Variants in RIMBP2 observed in about 807,000 individuals in gnomAD.
RIMBP2 encodes RIMS binding protein 2, also known as RIMS-binding protein 2.
In RIMBP2, 48 loss-of-function variants were observed where a neutral mutation model predicts 118.6. That is an observed-to-expected ratio of 0.40 (90% CI 0.32 to 0.51). The LOEUF is 0.51. Among genes scored for constraint, RIMBP2 ranks in the 20% least tolerant of loss-of-function variants. The probability of loss-of-function intolerance (pLI) is 0.41; values close to 1 mark genes in which losing one functional copy is unlikely to be tolerated. For synonymous variants in RIMBP2, 762 were observed against 742.9 expected (o/e 1.03, Z -0.42); for missense variants, 1,551 against 1,768.3 (o/e 0.88, Z 2.20).
intron 11 of RIMBP2, among the ~76,000 whole-genome samples, chr12:130,441,033 C>T (rs529243707): frequency 4.6e-5 from 7 of 152,204 alleles, no homozygotes; most frequent in African/African-American, 1.4e-4. Context: ...CCTGTTTGAG[C>T]GGAGATAGCA....
chr12:130,498,429 T>TA (rs2049401501), intron 4 of RIMBP2, among the ~76,000 whole-genome samples: 1 of 152,186 alleles, frequency 6.6e-6, no homozygotes, highest in Non-Finnish European at 1.5e-5. Context: ...TTGAGGATGT[T>TA]ACATTTTGGT....
intron 2 of RIMBP2, among the ~76,000 whole-genome samples, chr12:130,555,492 C>G (rs1272929414): frequency 6.6e-6 from 1 of 152,096 alleles, no homozygotes; most frequent in Non-Finnish European, 1.5e-5. Context: ...TAAATGCAAG[C>G]CTGAACACAC....
At chr12:130,438,335 A>AACCACCCCCC in intron 12 of RIMBP2, 30 bp downstream of exon 12, 2 of 865,010 alleles carry the variant, frequency 2.3e-6, no homozygotes, top group African/African-American at 1.7e-5. Context: ...GGCCTAACAA[A>AACCACCCCCC]CCCTCCCCAC....
At position 130,424,753 on chromosome 12, in the gene RIMBP2, C is replaced by T; in HGVS notation, c.2518G>A (p.Glu840Lys). The T allele has an allele frequency of 8.1e-7, 1 of 1,232,394 alleles. No individual in the cohort carries two copies. Among genetic ancestry groups the T allele is most frequent in the Non-Finnish European group, 1.0e-6 (1 of 988,146 alleles). 76.3% of individuals were successfully genotyped at this position (1,232,394 alleles called of 1,614,324 possible). Residue 840 changes from glutamate to lysine, a missense_variant, in exon 16 of 23, where the codon GAG becomes AAG. This residue lies in a region of RIMBP2 where 1,038 missense variants were observed against 1,125.1 expected (regional missense o/e 0.92). Transcript: ENST00000690449. This position sits in a 1 kb window ranked among gnomAD's most constrained non-coding sequence, Gnocchi z 9.8. ...AGCAGCCCACAGCACTCTCCGTCCT[C>T]TTCCGCTACTTCGGGGATACTGAAA... ...RLFSIPEVAE[E>K]DGECCGLLHK...
At chr12:130,477,437 G>A (rs1017054074) in intron 5 of RIMBP2, among the ~76,000 whole-genome samples, 43 of 152,296 alleles carry the variant, frequency 2.8e-4, no homozygotes, top group African/African-American at 9.9e-4. Flanking sequence ...GCGTCACCCG[G>A]CCACGGGAAA....
Position 130,442,792 on chromosome 12 carries a change from T to G in RIMBP2, c.692-132A>C. On this transcript the variant is annotated intron_variant, in intron 10 of 22. Transcript: ENST00000690449. This position sits in a 1 kb window ranked among gnomAD's most constrained non-coding sequence, Gnocchi z 6.9. ...GGTTGCCCTGGGGCTCCTCCGCTGT[T>G]CCCAGGAGTCCATGCTGGGGCCAGC... 1.4e-6 allele frequency: 1 copy of G among 701,774 alleles called. No individual in the cohort carries two copies. Among genetic ancestry groups the G allele is most frequent in the Admixed American group, 2.9e-5 (1 of 34,244 alleles). 43.5% of individuals were successfully genotyped at this position (701,774 alleles called of 1,614,324 possible).
intron 1 of RIMBP2, among the ~76,000 whole-genome samples, chr12:130,698,242 C>T (rs781499461): frequency 6.6e-6 from 1 of 152,176 alleles, no homozygotes; most frequent in South Asian, 2.1e-4. Flanking sequence ...TAGTGAAGCC[C>T]CTTCCTTTGG....
At chr12:130,671,548 C>T (rs184094687) in intron 1 of RIMBP2, among the ~76,000 whole-genome samples, 16 of 152,304 alleles carry the variant, frequency 1.1e-4, no homozygotes, top group Admixed American at 5.9e-4. Flanking sequence ...CCTATGAACA[C>T]GAACCTCCCC....
intron 1 of RIMBP2, among the ~76,000 whole-genome samples, chr12:130,696,980 G>A (rs2065603107): frequency 6.6e-6 from 1 of 152,150 alleles, no homozygotes; most frequent in African/African-American, 2.4e-5. Flanking sequence ...CTGTAAGGTG[G>A]GCAGGAGTCA....
chr12:130,573,393 C>CAT (rs1555295680), intron 2 of RIMBP2, among the ~76,000 whole-genome samples: 2 of 151,140 alleles, frequency 1.3e-5, no homozygotes, highest in African/African-American at 4.9e-5. Context: ...AGTGTTCGCG[C>CAT]GTGTGTGTGC....
At chr12:130,612,904 C>G (rs555128542) in intron 2 of RIMBP2, among the ~76,000 whole-genome samples, 21 of 146,106 alleles carry the variant, frequency 1.4e-4, no homozygotes, top group African/African-American at 5.2e-4. Flanking sequence ...TTTCCCTCCC[C>G]CCTCCCCCAA....
intron 18 of RIMBP2, 88 bp downstream of exon 18, chr12:130,414,037 A>T: frequency 7.2e-7 from 1 of 1,389,204 alleles, no homozygotes; most frequent in East Asian, 2.3e-5. Flanking sequence ...GCCATCTCTA[A>T]GTCGATACCC....
intron 2 of RIMBP2, among the ~76,000 whole-genome samples, chr12:130,558,132 T>C (rs528885357): frequency 2.5e-4 from 38 of 152,190 alleles, no homozygotes; most frequent in Non-Finnish European, 4.4e-4. Flanking sequence ...TTTGATTCTA[T>C]TCACCCAGGA....
intron 20 of RIMBP2, among the ~76,000 whole-genome samples, chr12:130,406,959 G>C (rs992860216): frequency 9.9e-5 from 15 of 152,200 alleles, no homozygotes; most frequent in Admixed American, 2.6e-4. Flanking sequence ...TCTTTATTCA[G>C]TGTCTACGAT....
Position 130,542,196 on chromosome 12 carries a change from G to A in RIMBP2, c.-216-24279C>T, listed in dbSNP as rs142693508. ...CTGGCTAGGAAATTTTAGAGCAGAGGCCTTAATGATGTGAAAGAATGGCAG... is the reference window on the plus strand; with the variant it reads ...CTGGCTAGGAAATTTTAGAGCAGAGACCTTAATGATGTGAAAGAATGGCAG... On this transcript the variant is annotated intron_variant, in intron 2 of 22. Transcript: ENST00000690449. 1.4e-3 allele frequency among the ~76,000 whole-genome samples: 214 copies of A among 152,332 alleles called. 10 individuals carry two copies. In the East Asian group the frequency reaches 0.04, roughly 29 times the overall value.
chr12:130,555,699 T>G lies in RIMBP2; in HGVS notation c.-216-37782A>C, dbSNP rs537493044. ...ACCTCTGATTTATAGCAGGCATTTT[T>G]ATGATGTTTTTATGGCTTTGACCTC... On this transcript the variant is annotated intron_variant, in intron 2 of 22. Coordinates refer to ENST00000690449, the MANE Select transcript of RIMBP2 (RefSeq NM_001393629.1). Among the ~76,000 whole-genome samples the G allele has an allele frequency of 2.0e-5, 3 of 152,352 alleles. No homozygotes were observed. The South Asian group carries it at 6.2e-4, about 32-fold the overall frequency.
intron 1 of RIMBP2, among the ~76,000 whole-genome samples, chr12:130,643,471 C>A (rs1402412655): frequency 6.6e-6 from 1 of 152,196 alleles, no homozygotes; most frequent in African/African-American, 2.4e-5. Context: ...CATGGACAGG[C>A]ACCCCATGGG....
intron 2 of RIMBP2, among the ~76,000 whole-genome samples, chr12:130,580,078 A>G (rs956452645): frequency 1.5e-4 from 23 of 151,152 alleles, no homozygotes; most frequent in Admixed American, 6.6e-4. Context: ...GGTGCCTGTA[A>G]TCCCAGCTAC....
chr12:130,627,532 C>G (rs942077629), intron 2 of RIMBP2, among the ~76,000 whole-genome samples: 3 of 152,166 alleles, frequency 2.0e-5, no homozygotes, highest in African/African-American at 7.2e-5. Context: ...TGTGGATTTT[C>G]CCGTGTATTT....
Sources: allele counts gnomAD v4.1 joint callset (sites outside exome capture counted in the v4.1 genomes callset), GRCh38; gene constraint gnomAD v4.1.1; regional missense constraint gnomAD v4.1.1; non-coding constraint Gnocchi (gnomAD v3.1); transcripts MANE v1.5; gene names NCBI Gene and HGNC (gene_info 2026-07-23, HGNC 2026-07-21).